MAGI3: variants seen among roughly 807,000 people sequenced by gnomAD.
The protein encoded by MAGI3 is membrane associated guanylate kinase, WW and PDZ domain containing 3, also known as membrane-associated guanylate kinase, WW and PDZ domain-containing protein 3.
In MAGI3, 43 loss-of-function variants were observed where a neutral mutation model predicts 121.8. The ratio of observed to expected loss-of-function variants is 0.35; its 90% CI spans 0.28 to 0.46. The LOEUF (loss-of-function observed/expected upper bound fraction) is 0.46. MAGI3 is among the 20% of genes least tolerant of loss of function. MAGI3 has a pLI of 1.00. For missense variants in MAGI3, 1,547 were observed against 1,797.3 expected (o/e 0.86, Z 2.52); for synonymous variants, 553 against 639.3 (o/e 0.86, Z 2.04).
chr1:113,539,866 G>A (rs1659198497), intron 1 of MAGI3, among the ~76,000 whole-genome samples: 1 of 149,654 alleles, frequency 6.7e-6, no homozygotes, highest in African/African-American at 2.5e-5. Flanking sequence ...ATGGCTCACT[G>A]TAGCTTCGAC....
At chr1:113,572,375 C>T (rs1647350513) in intron 2 of MAGI3, among the ~76,000 whole-genome samples, 1 of 152,066 alleles carries the variant, frequency 6.6e-6, no homozygotes, top group African/African-American at 2.4e-5. Context: ...TGTGTTCTGC[C>T]AGGTTTTGGT....
chr1:113,481,917 C>T (rs1286802946), intron 1 of MAGI3, among the ~76,000 whole-genome samples: 1 of 151,906 alleles, frequency 6.6e-6, no homozygotes, highest in Non-Finnish European at 1.5e-5. Flanking sequence ...TTTCCCTGCT[C>T]AAGGTTTAGA....
chr1:113,406,451 G>GA (rs951943146), intron 1 of MAGI3, among the ~76,000 whole-genome samples: 85 of 62,656 alleles, frequency 1.4e-3, no homozygotes, highest in Admixed American at 2.6e-3. Context: ...CTATCTCTAA[G>GA]AAAAAAAAAA....
chr1:113,631,290 C>A (rs139852641), intron 9 of MAGI3, among the ~76,000 whole-genome samples: 2,731 of 152,218 alleles, frequency 0.018, 50 homozygotes, highest in Non-Finnish European at 0.026. Flanking sequence ...TGATTGCTCA[C>A]CTGCTTTTTG....
At chr1:113,639,981 G>A (rs1652351163) in intron 9 of MAGI3, among the ~76,000 whole-genome samples, 1 of 152,182 alleles carries the variant, frequency 6.6e-6, no homozygotes, top group South Asian at 2.1e-4. Context: ...CGCCTGGCCT[G>A]AGCCACCACG....
chr1:113,576,768 T>A (rs1178349616), intron 2 of MAGI3: 1 of 152,184 alleles, frequency 6.6e-6, no homozygotes, highest in Non-Finnish European at 1.5e-5. Flanking sequence ...GAGGTTGAAG[T>A]GAAGGGTAAA....
intron 2 of MAGI3, among the ~76,000 whole-genome samples, chr1:113,562,201 C>T (rs1374308638): frequency 6.6e-6 from 1 of 152,080 alleles, no homozygotes; most frequent in Non-Finnish European, 1.5e-5. Context: ...GTCAGGAGAT[C>T]GAGACCATCC....
intron 1 of MAGI3, among the ~76,000 whole-genome samples, chr1:113,517,154 G>A (rs1488085837): frequency 3.3e-5 from 5 of 151,756 alleles, no homozygotes; most frequent in Admixed American, 2.0e-4. Flanking sequence ...TAGGAAATTT[G>A]AATAAAATAT....
At chr1:113,591,010 GTCA>G (rs1276244650) in intron 5 of MAGI3, among the ~76,000 whole-genome samples, 3 of 152,020 alleles carry the variant, frequency 2.0e-5, no homozygotes, top group Non-Finnish European at 4.4e-5. Flanking sequence ...TTCAAGAATT[GTCA>G]TCATGAGTAG....
chr1:113,653,791 A>G (rs771120532), intron 14 of MAGI3, 39 bp from the exon 15 acceptor site: 11 of 1,472,666 alleles, frequency 7.5e-6, no homozygotes, highest in Admixed American at 2.3e-5. Flanking sequence ...AGAAATTATG[A>G]TGTTCCAGAC....
At chr1:113,549,418 CTGGTT>C in intron 1 of MAGI3, 92 bp from the exon 2 acceptor site, 1 of 581,750 alleles carries the variant, frequency 1.7e-6, no homozygotes, top group South Asian at 2.8e-5. Context: ...TTATAGCTAA[CTGGTT>C]TAAGAGTATT....
chr1:113,539,177 G>A (rs2101652571), intron 1 of MAGI3, among the ~76,000 whole-genome samples: 1 of 152,250 alleles, frequency 6.6e-6, no homozygotes, highest in East Asian at 1.9e-4. Flanking sequence ...GGTGGATCAT[G>A]AGGTCAAGAG....
chr1:113,679,943 G>A (rs892386551), intron 19 of MAGI3, among the ~76,000 whole-genome samples: 5 of 152,076 alleles, frequency 3.3e-5, no homozygotes, highest in African/African-American at 1.2e-4. Flanking sequence ...GACCTCAGGT[G>A]ATCCACCAGC....
chr1:113,662,245 A>G (rs953123326), intron 16 of MAGI3, among the ~76,000 whole-genome samples: 8 of 152,120 alleles, frequency 5.3e-5, no homozygotes, highest in African/African-American at 1.9e-4. Context: ...ATTTGTGCCT[A>G]TGTTGCCAAG....
Position 113,649,320 on chromosome 1 carries a change from G to A in MAGI3, c.2239G>A (p.Asp747Asn). Residue 747 changes from aspartate to asparagine, a missense_variant, in exon 13 of 21, where the codon GAC (aspartate) becomes AAC (asparagine). Coordinates refer to ENST00000307546, the MANE Select transcript of MAGI3 (RefSeq NM_001142782.2). ...GFRVLGGDGP[D>N]QSIYIGAIIP... ...CAGGGTGCTAGGAGGAGATGGACCT[G>A]ACCAGTCTGTAAGTGTCACTTCTTT... is the stretch of plus-strand genomic sequence containing the variant. 1 of 1,609,228 alleles carries A rather than the reference G, an allele frequency of 6.2e-7. No homozygotes were observed. The highest frequency in any genetic ancestry group is 8.5e-7 in the Non-Finnish European group (1 of 1,177,418).
intron 2 of MAGI3, among the ~76,000 whole-genome samples, chr1:113,552,872 TA>T (rs36008251): frequency 6.6e-6 from 1 of 152,220 alleles, no homozygotes; most frequent in African/African-American, 2.4e-5. Context: ...CATACTTTCC[TA>T]AAAAGTTTGA....
intron 19 of MAGI3, among the ~76,000 whole-genome samples, chr1:113,679,844 T>G (rs1488136794): frequency 6.6e-6 from 1 of 152,114 alleles, no homozygotes; most frequent in Non-Finnish European, 1.5e-5. Context: ...TAGCTGGGAT[T>G]ACAGGCATGC....
chr1:113,553,883 C>T (rs913310951), intron 2 of MAGI3, among the ~76,000 whole-genome samples: 3 of 152,130 alleles, frequency 2.0e-5, no homozygotes, highest in African/African-American at 7.2e-5. Flanking sequence ...GTGGCGGGTG[C>T]CTGTAGTCCC....
At chr1:113,495,372 TA>T (rs397779595) in intron 1 of MAGI3, among the ~76,000 whole-genome samples, 18 of 151,390 alleles carry the variant, frequency 1.2e-4, no homozygotes, top group Non-Finnish European at 2.1e-4. Context: ...TTTTTTTTTT[TA>T]ATTTCAGTAG....
Sources: allele counts gnomAD v4.1 joint callset (sites outside exome capture counted in the v4.1 genomes callset), GRCh38; gene constraint gnomAD v4.1.1; transcripts MANE v1.5; gene names NCBI Gene and HGNC (gene_info 2026-07-23, HGNC 2026-07-21).